TBC1D4: variants seen among roughly 807,000 people sequenced by gnomAD.
TBC1D4 encodes the protein TBC (Tre-2, BUB2, CDC16) domain-containing protein.
Under a neutral mutation model 142.5 loss-of-function variants are expected in TBC1D4, and 121 were observed. That is an observed-to-expected ratio of 0.85 (90% CI 0.73 to 0.99). The LOEUF is 0.99. Ranked by LOEUF, TBC1D4 falls within the 50% of genes least tolerant of loss-of-function variation. TBC1D4 has a pLI of 0.00. For missense variants in TBC1D4, 1,475 were observed against 1,606.6 expected (o/e 0.92, Z 1.40); for synonymous variants, 630 against 628.2 (o/e 1.00, Z -0.04).
chr13:75,443,502 C>T (rs1887139413), intron 1 of TBC1D4, among the ~76,000 whole-genome samples: 1 of 152,184 alleles, frequency 6.6e-6, no homozygotes, highest in African/African-American at 2.4e-5. Context: ...GATTCCCTAG[C>T]AGATAATAAA....
At position 75,289,203 on chromosome 13, in the gene TBC1D4, A is replaced by C. The variant is rs1432211722; in HGVS notation, c.3487-93T>G. The C allele has an allele frequency of 2.7e-6, 4 of 1,459,064 alleles. No individual in the cohort carries two copies. The African/African-American group carries it at 5.6e-5, about 20-fold the overall frequency. The allele number at this position is 1,459,064 out of a possible 1,614,324, so 90.4% of individuals were successfully genotyped here. On this transcript the variant is annotated intron_variant, in intron 19 of 20. Transcript: ENST00000377636. The stretch of plus-strand genomic sequence containing the variant: ...TGGTATATTTCATGTATATTTCCAA[A>C]TACTTATTAATGAAGAACATTAAAG...
chr13:75,461,036 G>T (rs1887944461), intron 1 of TBC1D4, among the ~76,000 whole-genome samples: 1 of 152,162 alleles, frequency 6.6e-6, no homozygotes, highest in Non-Finnish European at 1.5e-5. Flanking sequence ...ACAAGATTAG[G>T]CTGTACCCAT....
chr13:75,312,087 T>A (rs969483695), intron 13 of TBC1D4, among the ~76,000 whole-genome samples: 1 of 151,036 alleles, frequency 6.6e-6, no homozygotes, highest in Non-Finnish European at 1.5e-5. Flanking sequence ...GATTGTTCTA[T>A]CTGTTTGTTT....
chr13:75,354,401 A>T (rs1323619355), intron 4 of TBC1D4, among the ~76,000 whole-genome samples: 1 of 152,308 alleles, frequency 6.6e-6, no homozygotes. Flanking sequence ...AAGAAGATGA[A>T]TGCCTAGAAT....
chr13:75,421,710 T>C (rs1228759364), intron 1 of TBC1D4, among the ~76,000 whole-genome samples: 1 of 152,234 alleles, frequency 6.6e-6, no homozygotes, highest in African/African-American at 2.4e-5. Context: ...AAATAATTTT[T>C]GGATTACAAA....
chr13:75,465,191 C>T (rs1888119298), intron 1 of TBC1D4, among the ~76,000 whole-genome samples: 1 of 152,148 alleles, frequency 6.6e-6, no homozygotes, highest in African/African-American at 2.4e-5. Flanking sequence ...TCCCAGCAGT[C>T]GGATTCCAGA....
chr13:75,368,006 T>G (rs939468013), intron 1 of TBC1D4, among the ~76,000 whole-genome samples: 8 of 152,198 alleles, frequency 5.3e-5, no homozygotes, highest in Non-Finnish European at 1.2e-4. Context: ...TGCTATGGTT[T>G]TTAGGGTGAA....
intron 17 of TBC1D4, among the ~76,000 whole-genome samples, chr13:75,298,650 G>A (rs1019858809): frequency 6.6e-6 from 1 of 152,206 alleles, no homozygotes; most frequent in Non-Finnish European, 1.5e-5. Context: ...CTACTGGGGA[G>A]GCTGAGGCAG....
At chr13:75,471,055 T>C (rs1026906984) in intron 1 of TBC1D4, among the ~76,000 whole-genome samples, 1 of 152,000 alleles carries the variant, frequency 6.6e-6, no homozygotes, top group Non-Finnish European at 1.5e-5. Context: ...GATTTTTATA[T>C]ATTCTTTATT....
intron 1 of TBC1D4, among the ~76,000 whole-genome samples, chr13:75,460,079 C>T (rs994052663): frequency 1.7e-4 from 26 of 151,916 alleles, no homozygotes; most frequent in Admixed American, 1.6e-3. Flanking sequence ...GGAGGCGGAG[C>T]TTGCAGTGAG....
rs5804814 is a variant in TBC1D4, at chr13:75,424,272, T to TAAA, written c.498+56995_498+56997dup. Among the ~76,000 whole-genome samples, 261 of 116,100 alleles carry TAAA rather than the reference T, an allele frequency of 2.2e-3. 1 individual carries two copies. The highest frequency in any genetic ancestry group is 7.5e-3 in the African/African-American group (243 of 32,438). 76.2% of individuals were successfully genotyped at this position (116,100 alleles called of 152,430 possible). On this transcript the variant is annotated intron_variant, in intron 1 of 20. Coordinates refer to ENST00000377636, the MANE Select transcript of TBC1D4 (RefSeq NM_014832.5). ...TAGGTAACAGAGTAAAACCCTGTCTTAAAAAAAAAAAAAAAGAAAGAAAGA... is the reference window on the plus strand; with the variant it reads ...TAGGTAACAGAGTAAAACCCTGTCTTAAAAAAAAAAAAAAAAAAGAAAGAAAGA...
intron 14 of TBC1D4, among the ~76,000 whole-genome samples, chr13:75,307,206 C>T (rs187236585): frequency 6.6e-6 from 1 of 152,330 alleles, no homozygotes; most frequent in Admixed American, 6.5e-5. Context: ...AAGCAATCCT[C>T]CTACCTCAGC....
chr13:75,306,526 T>G (rs1191298902), intron 14 of TBC1D4, 55 bp from the exon 15 acceptor site: 1 of 1,600,240 alleles, frequency 6.2e-7, no homozygotes, highest in South Asian at 1.1e-5. Context: ...TGTAAAACTT[T>G]AGACGTTTGA....
At chr13:75,313,338 T>G (rs1877970850) in intron 12 of TBC1D4, among the ~76,000 whole-genome samples, 1 of 152,206 alleles carries the variant, frequency 6.6e-6, no homozygotes, top group Admixed American at 6.5e-5. Flanking sequence ...TGTTTCTAAT[T>G]GCCTACGACT....
At chr13:75,342,978 A>C (rs1238479862) in intron 5 of TBC1D4, among the ~76,000 whole-genome samples, 1 of 152,300 alleles carries the variant, frequency 6.6e-6, no homozygotes. Context: ...AATGTTTTCC[A>C]TGTATTCTTT....
At chr13:75,334,463 TATATATA>T (rs1043336595) in intron 8 of TBC1D4, among the ~76,000 whole-genome samples, 1 of 130,318 alleles carries the variant, frequency 7.7e-6, no homozygotes, top group Non-Finnish European at 1.8e-5. Flanking sequence ...TATATGATTG[TATATATA>T]ATATGTCTAT....
chr13:75,291,537 A>G (rs920774573), intron 19 of TBC1D4, among the ~76,000 whole-genome samples: 5 of 152,150 alleles, frequency 3.3e-5, no homozygotes, highest in Non-Finnish European at 7.4e-5. Flanking sequence ...TGTTTCCTGT[A>G]GGGACAAAGA....
chr13:75,377,499 A>C (rs1377282413), intron 1 of TBC1D4, among the ~76,000 whole-genome samples: 1 of 152,130 alleles, frequency 6.6e-6, no homozygotes, highest in African/African-American at 2.4e-5. Context: ...AAAAGGGCCC[A>C]CATGCAACAA....
intron 1 of TBC1D4, chr13:75,376,195 A>G (rs1883494759): frequency 6.6e-6 from 1 of 152,236 alleles, no homozygotes; most frequent in Non-Finnish European, 1.5e-5. Context: ...CTGAAATTGA[A>G]AAAAAACAAA....
Sources: allele counts gnomAD v4.1 joint callset (sites outside exome capture counted in the v4.1 genomes callset), GRCh38; gene constraint gnomAD v4.1.1; transcripts MANE v1.5; gene names NCBI Gene and HGNC (gene_info 2026-07-23, HGNC 2026-07-21).